The following PITPNM3 variants were observed in gnomAD, a reference collection of about 807,000 sequenced individuals.
PITPNM3 encodes membrane-associated phosphatidylinositol transfer protein 3.
PITPNM3 carries 26 observed loss-of-function variants against 102.0 expected under a neutral mutation model. The observed-to-expected ratio is 0.25, with a 90% CI of 0.19 to 0.35. PITPNM3 has a LOEUF of 0.35. Among genes scored for constraint, PITPNM3 ranks in the 10% least tolerant of loss-of-function variants. The pLI is 1.00. For missense variants in PITPNM3, 1,083 were observed against 1,346.1 expected (o/e 0.80, Z 3.06); for synonymous variants, 578 against 558.6 (o/e 1.03, Z -0.49).
chr17:6,473,611 C>T (rs990383612), intron 10 of PITPNM3, among the ~76,000 whole-genome samples: 7 of 152,188 alleles, frequency 4.6e-5, no homozygotes, highest in Non-Finnish European at 1.0e-4. Context: ...AGATACCCTC[C>T]CCACCCCTCA....
chr17:6,470,195 G>T lies in PITPNM3; in HGVS notation c.1773+65C>A. The T allele has an allele frequency of 6.7e-7, 1 of 1,503,514 alleles. No individual in the cohort carries two copies. The highest frequency in any genetic ancestry group is 9.0e-7 in the Non-Finnish European group (1 of 1,106,844). 93.1% of individuals were successfully genotyped at this position (1,503,514 alleles called of 1,614,324 possible). ...GTCTGCAAGAATAGCCTCCTCTCCA[G>T]CTGGAGAAGGGGCGGTACCCCCTTG... is the stretch of plus-strand genomic sequence containing the variant. On this transcript the variant is annotated intron_variant, in intron 13 of 19. Transcript: ENST00000262483. This position sits in a 1 kb window ranked among gnomAD's most constrained non-coding sequence, Gnocchi z 4.8.
In PITPNM3 at chr17:6,472,701, C is replaced by T. The variant is rs773490611; in HGVS notation, c.1385G>A (p.Arg462His). ...ATCGCCCAGTGGGAACCTCTGGTAG[C>T]GAGGCACGCTGACAGGCGGCACCAG... ...FHLVPPVSVP[R>H]YQRFPLGDGQ... The change falls in exon 11 of 20, where the codon CGC becomes CAC. Residue 462 changes from arginine (R) to histidine (H), a missense_variant. Physicochemically the swap from Arg to His is conservative, Grantham distance 29. Around this residue, in one of 5 missense-constraint regions of PITPNM3, gnomAD observed 410 missense variants for 638.4 expected, o/e 0.64. Coordinates refer to ENST00000262483, the MANE Select transcript of PITPNM3 (RefSeq NM_031220.4). The surrounding 1 kb of genome is among the most constrained non-coding windows in gnomAD (Gnocchi z 4.1). The T allele has an allele frequency of 5.6e-6, 9 of 1,613,802 alleles. No individual in the cohort carries two copies. In the East Asian group the frequency reaches 6.7e-5, roughly 12 times the overall value.
At chr17:6,465,687 A>G (rs9911012) in intron 14 of PITPNM3, among the ~76,000 whole-genome samples, 116,370 of 152,090 alleles carry the variant, frequency 0.77, 45,214 homozygotes, top group African/African-American at 0.91. Context: ...GCAATCCTGG[A>G]CGCTGCGTCA....
Position 6,485,161 on chromosome 17 carries a change from C to CT in PITPNM3, c.275-870dup, listed in dbSNP as rs1335515715. Among the ~76,000 whole-genome samples the CT allele has an allele frequency of 6.3e-3, 884 of 139,510 alleles. 7 individuals are homozygous for CT. Among genetic ancestry groups the CT allele is most frequent in the African/African-American group, 0.015 (586 of 38,248 alleles). 91.5% of individuals were successfully genotyped at this position (139,510 alleles called of 152,430 possible). On this transcript the variant is annotated intron_variant, in intron 4 of 19. Coordinates refer to ENST00000262483, the MANE Select transcript of PITPNM3 (RefSeq NM_031220.4). ...ATAAGTCTCTTTTTAATTTTCTTTT[C>CT]TTTTTTTTTTTTTTTTGATGGAGTT...
At position 6,459,375 on chromosome 17, in the gene PITPNM3, C is replaced by G. The variant is rs1904342391; in HGVS notation, c.2491-1653G>C. ...GTCTCTCTCTCCTGGTCCTCCTCCC[C>G]CTCACTCTCCTCCTGGTTCCTCAGC... On this transcript the variant is annotated intron_variant, in intron 18 of 19. Transcript: ENST00000262483. The surrounding 1 kb of genome is among the most constrained non-coding windows in gnomAD (Gnocchi z 5.0). Among the ~76,000 whole-genome samples, 7 of 152,078 alleles carry G rather than the reference C, an allele frequency of 4.6e-5. No homozygotes were observed. In the South Asian group the frequency reaches 1.5e-3, roughly 32 times the overall value.
intron 3 of PITPNM3, among the ~76,000 whole-genome samples, chr17:6,507,921 G>A (rs1175606595): frequency 6.6e-6 from 1 of 152,090 alleles, no homozygotes; most frequent in African/African-American, 2.4e-5. Context: ...ATGTCCAGAG[G>A]TGGGGAGGTG....
chr17:6,538,180 C>T, intron 1 of PITPNM3, 98 bp from the exon 2 acceptor site: 1 of 841,108 alleles, frequency 1.2e-6, no homozygotes, highest in East Asian at 2.6e-5. Context: ...CAGTTAGCAT[C>T]CTGCACATCT....
At position 6,517,398 on chromosome 17, in the gene PITPNM3, T is replaced by C. The variant is rs1463435376; in HGVS notation, c.226+7958A>G. On this transcript the variant is annotated intron_variant, in intron 3 of 19. Coordinates refer to ENST00000262483, the MANE Select transcript of PITPNM3 (RefSeq NM_031220.4). The surrounding 1 kb of genome is among the most constrained non-coding windows in gnomAD (Gnocchi z 4.1). ...AGCAAAACTAATCATTAAGTTGAAA[T>C]GAGAATTGGCAACATGAAACCAAAT... is the stretch of plus-strand genomic sequence containing the variant. 2.6e-5 allele frequency among the ~76,000 whole-genome samples: 4 copies of C among 152,000 alleles called. No homozygotes were observed. Among genetic ancestry groups the C allele is most frequent in the African/African-American group, 9.7e-5 (4 of 41,364 alleles).
chr17:6,482,164 C>T (rs760849228), intron 6 of PITPNM3, among the ~76,000 whole-genome samples: 1 of 151,848 alleles, frequency 6.6e-6, no homozygotes, highest in African/African-American at 2.4e-5. Context: ...TCATGAGACC[C>T]TCATTTCAGA....
At chr17:6,491,865 C>A (rs1371649756) in intron 4 of PITPNM3, among the ~76,000 whole-genome samples, 2 of 138,952 alleles carry the variant, frequency 1.4e-5, no homozygotes, top group Non-Finnish European at 3.0e-5. Flanking sequence ...AATTAAGATC[C>A]TGTGTTTGGG....
At chr17:6,553,006 G>A (rs1017717401) in intron 1 of PITPNM3, among the ~76,000 whole-genome samples, 2 of 151,792 alleles carry the variant, frequency 1.3e-5, no homozygotes, top group East Asian at 3.9e-4. Flanking sequence ...TCCTGACCTC[G>A]TGATCTGCCC....
rs190910414 is a variant in PITPNM3, at chr17:6,471,476, C to T, written c.1430-121G>A. On this transcript the variant is annotated intron_variant, in intron 11 of 19. Transcript: ENST00000262483. ...TGGAGGAGTCAGCCCCGGCTCTGCT[C>T]ACTTGCCAGCCCAGCAGGCACCTGC... The T allele has an allele frequency of 6.0e-6, 6 of 998,690 alleles. No homozygotes were observed. The East Asian group carries it at 1.3e-4, about 22-fold the overall frequency. The allele number at this position is 998,690 out of a possible 1,614,324, so 61.9% of individuals were successfully genotyped here.
At chr17:6,474,207 G>T (rs572936699) in intron 10 of PITPNM3, among the ~76,000 whole-genome samples, 1 of 152,014 alleles carries the variant, frequency 6.6e-6, no homozygotes, top group African/African-American at 2.4e-5. Context: ...ACTTGACATG[G>T]AGAGTGAAAT....
At chr17:6,499,713 T>C (rs1597386627) in intron 4 of PITPNM3, among the ~76,000 whole-genome samples, 1 of 151,588 alleles carries the variant, frequency 6.6e-6, no homozygotes, top group Non-Finnish European at 1.5e-5. Context: ...CTTTTATTTA[T>C]TTATTTATTT....
chr17:6,464,455 G>C, intron 15 of PITPNM3, 137 bp from the exon 16 acceptor site: 1 of 1,132,508 alleles, frequency 8.8e-7, no homozygotes, highest in East Asian at 2.5e-5. Flanking sequence ...CTCCTCATTT[G>C]TCCTTGGATA....
At chr17:6,471,111 AG>A (rs1356048830) in intron 12 of PITPNM3, 49 bp downstream of exon 12, 9 of 1,599,242 alleles carry the variant, frequency 5.6e-6, no homozygotes, top group Admixed American at 1.7e-5. Context: ...ACCCAGAGGA[AG>A]GTTCCCCTCC....
chr17:6,532,838 G>A (rs975091147), intron 2 of PITPNM3, among the ~76,000 whole-genome samples: 1 of 151,996 alleles, frequency 6.6e-6, no homozygotes, highest in African/African-American at 2.4e-5. Flanking sequence ...GAAGGGTTGG[G>A]TCACATGGTA....
In PITPNM3 at chr17:6,508,801, G is replaced by A. The variant is rs137944988; in HGVS notation, c.227-5227C>T. 5.1e-3 allele frequency among the ~76,000 whole-genome samples: 771 copies of A among 152,244 alleles called. 6 individuals carry two copies. The highest frequency in any genetic ancestry group is 0.027 in the Middle Eastern group (8 of 294). On this transcript the variant is annotated intron_variant, in intron 3 of 19. Coordinates refer to ENST00000262483, the MANE Select transcript of PITPNM3 (RefSeq NM_031220.4). ...GTTTGATGAGGTAAGTGTGGCGCCC[G>A]GACAGTAGGAAGCCGGGCTTGCCTG...
intron 3 of PITPNM3, among the ~76,000 whole-genome samples, chr17:6,520,099 C>A (rs1217935136): frequency 2.0e-5 from 3 of 152,106 alleles, no homozygotes; most frequent in Admixed American, 2.0e-4. Context: ...TCAGTCAACA[C>A]ATTTATGAAA....
Sources: allele counts gnomAD v4.1 joint callset (sites outside exome capture counted in the v4.1 genomes callset), GRCh38; gene constraint gnomAD v4.1.1; regional missense constraint gnomAD v4.1.1; non-coding constraint Gnocchi (gnomAD v3.1); transcripts MANE v1.5; gene names NCBI Gene and HGNC (gene_info 2026-07-23, HGNC 2026-07-21).